Variants in KANK1 observed in about 807,000 individuals in gnomAD.
The protein encoded by KANK1 is KN motif and ankyrin repeat domain-containing protein 1.
A neutral mutation model predicts 106.2 loss-of-function variants in KANK1; 109 were observed. That is an observed-to-expected ratio of 1.03 (90% confidence interval 0.88 to 1.20). The LOEUF (loss-of-function observed/expected upper bound fraction) is 1.20, where lower values mean the gene tolerates loss of function less well. KANK1 is among the 50% of genes most tolerant of loss of function. KANK1 has a pLI of 0.00. For missense variants in KANK1, 2,399 were observed against 1,710.7 expected (o/e 1.40, Z -7.10); for synonymous variants, 873 against 652.2 (o/e 1.34, Z -5.16).
At chr9:689,386 C>G (rs952801881) in intron 2 of KANK1, among the ~76,000 whole-genome samples, 2 of 152,182 alleles carry the variant, frequency 1.3e-5, no homozygotes, top group Non-Finnish European at 2.9e-5. Flanking sequence ...TGACAAGAAT[C>G]AGACCCCTCT....
intron 1 of KANK1, among the ~76,000 whole-genome samples, chr9:547,605 T>TA (rs1458780607): frequency 1.3e-5 from 2 of 151,560 alleles, no homozygotes; most frequent in African/African-American, 4.8e-5. Context: ...CCTTCTGAAT[T>TA]ACTCTATGCA....
At chr9:680,411 G>T (rs1817307529) in intron 2 of KANK1, among the ~76,000 whole-genome samples, 1 of 152,142 alleles carries the variant, frequency 6.6e-6, no homozygotes, top group African/African-American at 2.4e-5. Flanking sequence ...CTGGGTAAAA[G>T]AAACTGCTTT....
chr9:582,561 T>C (rs1822442798), intron 1 of KANK1, among the ~76,000 whole-genome samples: 1 of 152,136 alleles, frequency 6.6e-6, no homozygotes, highest in Non-Finnish European at 1.5e-5. Context: ...GATGATCAGC[T>C]ACCTTCCTTT....
intron 3 of KANK1, among the ~76,000 whole-genome samples, chr9:713,900 T>C (rs1826941917): frequency 1.3e-5 from 2 of 152,230 alleles, no homozygotes; most frequent in East Asian, 3.8e-4. Context: ...AAAACGTTTA[T>C]GAGAGGAGAG....
upstream of KANK1, among the ~76,000 whole-genome samples, chr9:504,312 C>A (rs1481444808): frequency 2.0e-5 from 3 of 151,870 alleles, no homozygotes; most frequent in African/African-American, 7.2e-5. Context: ...GGAGGAAGTT[C>A]TTCTGCTTAG....
At chr9:593,361 A>G (rs1316019431) in intron 1 of KANK1, among the ~76,000 whole-genome samples, 1 of 151,708 alleles carries the variant, frequency 6.6e-6, no homozygotes, top group East Asian at 1.9e-4. Context: ...CCACTTTTTG[A>G]TCCTATTCCT....
chr9:528,260 A>G (rs984333908), intron 1 of KANK1, among the ~76,000 whole-genome samples: 50 of 151,918 alleles, frequency 3.3e-4, no homozygotes, highest in African/African-American at 1.2e-3. Context: ...AATGTTTTTC[A>G]ATTATTGGAA....
At chr9:576,970 C>T (rs775679006) in intron 1 of KANK1, among the ~76,000 whole-genome samples, 13 of 152,090 alleles carry the variant, frequency 8.5e-5, no homozygotes, top group Non-Finnish European at 1.5e-4. Flanking sequence ...ATGGTGTGTC[C>T]GGAGTTTGTT....
At chr9:600,756 A>G (rs980396072) in intron 1 of KANK1, among the ~76,000 whole-genome samples, 11 of 151,862 alleles carry the variant, frequency 7.2e-5, no homozygotes, top group African/African-American at 2.4e-4. Context: ...TTTTATGCCA[A>G]AAGATCTTCT....
intron 1 of KANK1, among the ~76,000 whole-genome samples, chr9:554,835 G>A (rs2061485261): frequency 6.6e-6 from 1 of 152,186 alleles, no homozygotes; most frequent in Non-Finnish European, 1.5e-5. Context: ...ATACTAGAAC[G>A]ATGTGAAAAT....
At chr9:703,611 A>C (rs531548952) in intron 2 of KANK1, among the ~76,000 whole-genome samples, 1 of 152,258 alleles carries the variant, frequency 6.6e-6, no homozygotes, top group Non-Finnish European at 1.5e-5. Flanking sequence ...TTGCAGATAT[A>C]GCCAGTGGAA....
chr9:725,552 G>A (rs1395206151), intron 3 of KANK1, among the ~76,000 whole-genome samples: 3 of 149,718 alleles, frequency 2.0e-5, no homozygotes, highest in Non-Finnish European at 4.4e-5. Flanking sequence ...TGAATTTTTT[G>A]CCAGCTCTCA....
Position 714,462 on chromosome 9 carries a change from C to T in KANK1, c.2698+998C>T, listed in dbSNP as rs550187944. Among the ~76,000 whole-genome samples the T allele has an allele frequency of 4.0e-5, 6 of 148,626 alleles. No homozygotes were observed. The South Asian group carries it at 6.5e-4, about 16-fold the overall frequency. On this transcript the variant is annotated intron_variant, in intron 3 of 11. Transcript: ENST00000382297. ...GCAACCTCTGCCTCTCAGGTACAAG[C>T]GATTCTTGTGTCTCAACCTCCTGAG...
chr9:552,375 C>G (rs1183190033), intron 1 of KANK1, among the ~76,000 whole-genome samples: 1 of 152,144 alleles, frequency 6.6e-6, no homozygotes, highest in Non-Finnish European at 1.5e-5. Flanking sequence ...AGCCAAGACT[C>G]AAACTCATTT....
intron 3 of KANK1, among the ~76,000 whole-genome samples, chr9:720,549 T>A (rs180822590): frequency 2.5e-4 from 38 of 152,170 alleles, no homozygotes; most frequent in Admixed American, 7.2e-4. Context: ...GAGAGGGGGG[T>A]CTCACTATGT....
At chr9:715,844 TTTTG>T (rs1371580634) in intron 3 of KANK1, among the ~76,000 whole-genome samples, 3 of 152,198 alleles carry the variant, frequency 2.0e-5, no homozygotes, top group African/African-American at 7.2e-5. Context: ...AGTATTCCAT[TTTTG>T]TTATCTGGCA....
intron 2 of KANK1, among the ~76,000 whole-genome samples, chr9:705,086 TA>T (rs1172327772): frequency 6.6e-6 from 1 of 150,584 alleles, no homozygotes; most frequent in Non-Finnish European, 1.5e-5. Context: ...TTCCACAACC[TA>T]AAGATAACAA....
At chr9:591,690 A>T (rs967765341) in intron 1 of KANK1, among the ~76,000 whole-genome samples, 1 of 151,786 alleles carries the variant, frequency 6.6e-6, no homozygotes, top group Non-Finnish European at 1.5e-5. Context: ...TTTGAGATGC[A>T]GTCTCGCCTA....
At chr9:525,944 T>C (rs1424053908) in intron 1 of KANK1, among the ~76,000 whole-genome samples, 4 of 151,748 alleles carry the variant, frequency 2.6e-5, no homozygotes, top group East Asian at 1.9e-4. Context: ...AAATAAAGGA[T>C]CAGTTTGTTT....
Sources: allele counts gnomAD v4.1 joint callset (sites outside exome capture counted in the v4.1 genomes callset), GRCh38; gene constraint gnomAD v4.1.1; transcripts MANE v1.5; gene names NCBI Gene and HGNC (gene_info 2026-07-23, HGNC 2026-07-21).